Variants in CNIH3 observed in about 807,000 individuals in gnomAD.
CNIH3 encodes cornichon family AMPA receptor auxiliary protein 3.
CNIH3 carries 14 observed loss-of-function variants against 24.1 expected under a neutral mutation model. The observed-to-expected ratio is 0.58, with a 90% CI of 0.38 to 0.91. The LOEUF (loss-of-function observed/expected upper bound fraction) is 0.91, where lower values mean the gene tolerates loss of function less well. CNIH3 is among the 40% of genes least tolerant of loss of function. The pLI is 0.00. For missense variants in CNIH3, 178 were observed against 196.8 expected (o/e 0.90, Z 0.57); for synonymous variants, 68 against 73.8 (o/e 0.92, Z 0.40).
At chr1:224,496,417 C>T (rs1038991246) in intron 1 of CNIH3, among the ~76,000 whole-genome samples, 5 of 152,198 alleles carry the variant, frequency 3.3e-5, no homozygotes, top group Non-Finnish European at 4.4e-5. Context: ...ACCACCATCG[C>T]TCCTGCTGCT....
At chr1:224,482,377 A>T (rs936084026) in intron 1 of CNIH3, among the ~76,000 whole-genome samples, 3 of 151,950 alleles carry the variant, frequency 2.0e-5, no homozygotes, top group African/African-American at 7.3e-5. Context: ...TCCGAGTCTA[A>T]CCCAAGGCCC....
intron 3 of CNIH3, among the ~76,000 whole-genome samples, chr1:224,561,467 C>T (rs1383856459): frequency 2.0e-5 from 3 of 152,164 alleles, no homozygotes; most frequent in Non-Finnish European, 4.4e-5. Context: ...ATCTTTTCCT[C>T]ATTACTCTGA....
At chr1:224,583,450 G>T (rs947435684) in intron 5 of CNIH3, among the ~76,000 whole-genome samples, 4 of 152,184 alleles carry the variant, frequency 2.6e-5, no homozygotes, top group African/African-American at 7.2e-5. Context: ...TGCATATGGG[G>T]ATCAGCAGGT....
intron 3 of CNIH3, 45 bp from the exon 4 acceptor site, chr1:224,730,417 G>T: frequency 3.8e-6 from 5 of 1,308,846 alleles, no homozygotes; most frequent in Non-Finnish European, 5.4e-6. Context: ...CAGGAGTGGC[G>T]TTTTCCTCCT....
intron 1 of CNIH3, among the ~76,000 whole-genome samples, chr1:224,670,381 C>G (rs1270739300): frequency 6.6e-6 from 1 of 152,174 alleles, no homozygotes; most frequent in African/African-American, 2.4e-5. Flanking sequence ...CGGCTCTCCT[C>G]CTACAGAGTC....
At chr1:224,584,652 A>AT (rs896038809) in intron 5 of CNIH3, among the ~76,000 whole-genome samples, 2 of 152,100 alleles carry the variant, frequency 1.3e-5, no homozygotes, top group South Asian at 2.1e-4. Context: ...CATTTGATAT[A>AT]TTTTTTCTGG....
chr1:224,512,073 G>A (rs984156296), upstream of CNIH3, among the ~76,000 whole-genome samples: 6 of 152,152 alleles, frequency 3.9e-5, no homozygotes, highest in Non-Finnish European at 2.9e-5. Flanking sequence ...TACTAGGGAG[G>A]CTGAGGCAGG....
chr1:224,735,964 C>T (rs1218158483), intron 5 of CNIH3, among the ~76,000 whole-genome samples: 2 of 151,878 alleles, frequency 1.3e-5, no homozygotes, highest in Non-Finnish European at 2.9e-5. Context: ...GCTTTGTGCT[C>T]AGAGCTTTGT....
intron 1 of CNIH3, among the ~76,000 whole-genome samples, chr1:224,502,683 C>A (rs79297486): frequency 1.3e-5 from 2 of 152,166 alleles, no homozygotes; most frequent in South Asian, 4.1e-4. Flanking sequence ...CATTCCCTGC[C>A]GAGTTCTACA....
chr1:224,617,811 G>A (rs1317380116), intron 1 of CNIH3, among the ~76,000 whole-genome samples: 4 of 152,132 alleles, frequency 2.6e-5, no homozygotes, highest in African/African-American at 7.2e-5. Flanking sequence ...AAGGCGAGAA[G>A]GAGAAGAGCA....
chr1:224,492,915 G>C lies in CNIH3; in HGVS notation n.204-22826G>C, dbSNP rs984646733. 3.2e-4 allele frequency among the ~76,000 whole-genome samples: 48 copies of C among 152,172 alleles called. 1 individual carries two copies. The highest frequency in any genetic ancestry group is 1.1e-3 in the African/African-American group (45 of 41,448). On this transcript the variant is annotated intron_variant and non_coding_transcript_variant, in intron 1 of 5. Coordinates refer to the CNIH3 transcript ENST00000471578. ...GCTTTTAGGCAAGTATGAGAGAAAA[G>C]CAGGCACCATCTGTTGATAGTAAGA...
At chr1:224,593,982 A>T (rs1175340893) in intron 3 of CNIH3, among the ~76,000 whole-genome samples, 1 of 152,212 alleles carries the variant, frequency 6.6e-6, no homozygotes, top group Non-Finnish European at 1.5e-5. Context: ...TAACCAGGTT[A>T]CCAACAGCTG....
chr1:224,655,935 T>A (rs940322707), intron 1 of CNIH3, among the ~76,000 whole-genome samples: 4 of 152,204 alleles, frequency 2.6e-5, no homozygotes, highest in African/African-American at 9.7e-5. Flanking sequence ...GGTGATTATG[T>A]GAGTTTCAGC....
At chr1:224,510,902 GGGGA>G (rs1361877967), upstream of CNIH3, among the ~76,000 whole-genome samples, 4 of 152,234 alleles carry the variant, frequency 2.6e-5, no homozygotes, top group African/African-American at 7.2e-5. Context: ...AAGGGGCAAG[GGGGA>G]AAGGAGGAGA....
chr1:224,549,440 G>A (rs976901853), intron 3 of CNIH3, among the ~76,000 whole-genome samples: 1 of 152,022 alleles, frequency 6.6e-6, no homozygotes, highest in African/African-American at 2.4e-5. Context: ...TCAGAGTGAT[G>A]ATATTTCCTT....
At chr1:224,486,672 T>G (rs1056234494) in intron 1 of CNIH3, among the ~76,000 whole-genome samples, 1 of 152,254 alleles carries the variant, frequency 6.6e-6, no homozygotes, top group Non-Finnish European at 1.5e-5. Context: ...AGGCACCTGA[T>G]AGAATCCTGG....
At chr1:224,579,237 C>T (rs1681169019) in intron 4 of CNIH3, among the ~76,000 whole-genome samples, 1 of 151,854 alleles carries the variant, frequency 6.6e-6, no homozygotes, top group African/African-American at 2.4e-5. Flanking sequence ...CTGTTTCCTC[C>T]AAGTTGTTGT....
intron 1 of CNIH3, among the ~76,000 whole-genome samples, chr1:224,652,617 G>A (rs895178839): frequency 4.6e-5 from 7 of 152,112 alleles, no homozygotes; most frequent in Non-Finnish European, 8.8e-5. Context: ...CAGGTATGGC[G>A]AGCCAGTCCT....
At chr1:224,715,048 C>A (rs1688355736) in intron 3 of CNIH3, among the ~76,000 whole-genome samples, 1 of 152,190 alleles carries the variant, frequency 6.6e-6, no homozygotes, top group African/African-American at 2.4e-5. Flanking sequence ...CAACAAAAAA[C>A]CCCTTGTTCA....
Sources: allele counts gnomAD v4.1 joint callset (sites outside exome capture counted in the v4.1 genomes callset), GRCh38; gene constraint gnomAD v4.1.1; transcripts MANE v1.5; gene names NCBI Gene and HGNC (gene_info 2026-07-23, HGNC 2026-07-21).